The following NBAS variants were observed in gnomAD, a reference collection of about 807,000 sequenced individuals.
The protein encoded by NBAS is NBAS subunit of NRZ tethering complex.
NBAS carries 219 observed loss-of-function variants against 302.5 expected under a neutral mutation model. The observed-to-expected ratio is 0.72, with a 90% CI of 0.65 to 0.81. NBAS has a LOEUF of 0.81. Ranked by LOEUF, NBAS falls within the 30% of genes least tolerant of loss-of-function variation. The pLI, the probability that NBAS is intolerant of heterozygous loss-of-function variation, is 0.00. For synonymous variants in NBAS, 1,118 were observed against 1,021.6 expected (o/e 1.09, Z -1.80); for missense variants, 2,932 against 2,841.6 (o/e 1.03, Z -0.72).
At chr2:15,108,220 G>A in the NBAS span, among the ~76,000 whole-genome samples, 1 of 152,100 alleles carries the variant, frequency 6.6e-6, no homozygotes. Context: ...CATATGGTAT[G>A]TTCATGTTTA....
intron 48 of NBAS, among the ~76,000 whole-genome samples, chr2:15,200,386 A>G (rs902279909): frequency 7.9e-5 from 12 of 152,182 alleles, no homozygotes; most frequent in African/African-American, 2.9e-4. Context: ...TGCCTTCCAC[A>G]GATTAGTGAA....
At chr2:15,290,314 C>T (rs79459251) in intron 41 of NBAS, among the ~76,000 whole-genome samples, 5,796 of 152,194 alleles carry the variant, frequency 0.038, 396 homozygotes, top group African/African-American at 0.13. Context: ...AACTCTGAGG[C>T]ATCTTAAAGA....
the NBAS span, among the ~76,000 whole-genome samples, chr2:14,969,670 C>T: frequency 6.6e-6 from 1 of 152,276 alleles, no homozygotes; most frequent in African/African-American, 2.4e-5. Flanking sequence ...AGCCACCTTG[C>T]CCAGCCTGTA....
the NBAS span, among the ~76,000 whole-genome samples, chr2:14,940,720 A>C: frequency 6.6e-6 from 1 of 152,144 alleles, no homozygotes; most frequent in Admixed American, 6.5e-5. Context: ...CTTCCCTGAG[A>C]ACTTGCTCTG....
intron 16 of NBAS, among the ~76,000 whole-genome samples, chr2:15,470,370 A>G (rs1009994112): frequency 2.0e-5 from 3 of 152,192 alleles, no homozygotes; most frequent in South Asian, 4.1e-4. Context: ...TCAAATCAAT[A>G]TATCTTTTCA....
the NBAS span, among the ~76,000 whole-genome samples, chr2:15,055,136 A>G: frequency 1.7e-4 from 26 of 152,318 alleles, no homozygotes; most frequent in East Asian, 1.9e-3. Flanking sequence ...GCAATGGTGT[A>G]GAATGAGAAG....
At chr2:15,068,137 T>A in the NBAS span, among the ~76,000 whole-genome samples, 5 of 152,226 alleles carry the variant, frequency 3.3e-5, no homozygotes, top group African/African-American at 4.8e-5. Context: ...GATTTGATTA[T>A]AGCTTTGCCA....
At chr2:15,082,432 G>A in the NBAS span, among the ~76,000 whole-genome samples, 1 of 152,148 alleles carries the variant, frequency 6.6e-6, no homozygotes, top group Non-Finnish European at 1.5e-5. Flanking sequence ...TCTGAGTCAC[G>A]TGACAGCAGA....
At chr2:15,211,788 T>C (rs1666423650) in intron 48 of NBAS, among the ~76,000 whole-genome samples, 1 of 152,136 alleles carries the variant, frequency 6.6e-6, no homozygotes, top group Non-Finnish European at 1.5e-5. Context: ...CCTCATCCAG[T>C]GACATCTGCT....
At chr2:15,320,425 G>A (rs1671745331) in intron 38 of NBAS, among the ~76,000 whole-genome samples, 1 of 152,116 alleles carries the variant, frequency 6.6e-6, no homozygotes, top group Non-Finnish European at 1.5e-5. Flanking sequence ...AGGAAATAAA[G>A]GGTATTCAAT....
At chr2:15,303,983 T>C (rs898812216) in intron 40 of NBAS, among the ~76,000 whole-genome samples, 1 of 152,172 alleles carries the variant, frequency 6.6e-6, no homozygotes, top group Non-Finnish European at 1.5e-5. Context: ...CATCATGCCA[T>C]AGTCATCTTC....
At chr2:15,026,920 C>T in the NBAS span, among the ~76,000 whole-genome samples, 894 of 152,212 alleles carry the variant, frequency 5.9e-3, 2 homozygotes, top group Admixed American at 9.9e-3. Flanking sequence ...ACATCTATTA[C>T]GACATATTTA....
At chr2:15,092,189 C>T in the NBAS span, among the ~76,000 whole-genome samples, 1 of 152,298 alleles carries the variant, frequency 6.6e-6, no homozygotes, top group South Asian at 2.1e-4. Flanking sequence ...TGACCTCCCA[C>T]CCCTTGGTTT....
At chr2:15,534,060 C>A (rs1663363163) in intron 9 of NBAS, among the ~76,000 whole-genome samples, 1 of 152,166 alleles carries the variant, frequency 6.6e-6, no homozygotes, top group South Asian at 2.1e-4. Flanking sequence ...TTCTAGTAAG[C>A]CTCAATGTAG....
chr2:15,156,538 T>G, the NBAS span, among the ~76,000 whole-genome samples: 3 of 152,208 alleles, frequency 2.0e-5, no homozygotes, highest in East Asian at 1.9e-4. Context: ...GGTGGTTTCT[T>G]GCTGCATCCT....
At chr2:15,125,063 T>G in the NBAS span, among the ~76,000 whole-genome samples, 21 of 152,094 alleles carry the variant, frequency 1.4e-4, 1 homozygote, top group Non-Finnish European at 2.6e-4. Context: ...AACCTCAGCA[T>G]GGAAAAGCTG....
At chr2:14,935,116 C>T in the NBAS span, among the ~76,000 whole-genome samples, 2 of 152,148 alleles carry the variant, frequency 1.3e-5, no homozygotes, top group African/African-American at 4.8e-5. Flanking sequence ...TCTCCAATTA[C>T]TTTATGTCCT....
chr2:14,859,767 T>C, the NBAS span, among the ~76,000 whole-genome samples: 2 of 152,068 alleles, frequency 1.3e-5, no homozygotes, highest in African/African-American at 4.8e-5. Flanking sequence ...TCCAGGACAT[T>C]GGTCTGGGCA....
the NBAS span, among the ~76,000 whole-genome samples, chr2:15,155,251 A>T: frequency 6.6e-6 from 1 of 152,212 alleles, no homozygotes; most frequent in Non-Finnish European, 1.5e-5. Context: ...AAAAATATGT[A>T]TGTCAAGCCC....
Sources: allele counts gnomAD v4.1 joint callset (sites outside exome capture counted in the v4.1 genomes callset), GRCh38; gene constraint gnomAD v4.1.1; transcripts MANE v1.5; gene names NCBI Gene and HGNC (gene_info 2026-07-23, HGNC 2026-07-21).